HIVEP3: variants seen among roughly 807,000 people sequenced by gnomAD.
HIVEP3 encodes transcription factor HIVEP3.
In HIVEP3, 49 loss-of-function variants were observed where a neutral mutation model predicts 152.8. The observed-to-expected ratio is 0.32, with a 90% confidence interval of 0.26 to 0.41. The LOEUF (loss-of-function observed/expected upper bound fraction) is 0.41, where lower values mean the gene tolerates loss of function less well. Among genes scored for constraint, HIVEP3 ranks in the 10% least tolerant of loss-of-function variants. HIVEP3 has a pLI of 1.00. For missense variants in HIVEP3, 2,790 were observed against 3,103.3 expected (o/e 0.90, Z 2.40); for synonymous variants, 1,269 against 1,289.0 (o/e 0.98, Z 0.33).
intron 2 of HIVEP3, among the ~76,000 whole-genome samples, chr1:41,675,117 T>C (rs1645935295): frequency 6.6e-6 from 1 of 152,272 alleles, no homozygotes; most frequent in Non-Finnish European, 1.5e-5. Flanking sequence ...CTTTAATCCG[T>C]ACCCCTGTGT....
intron 1 of HIVEP3, among the ~76,000 whole-genome samples, chr1:41,816,862 A>G (rs1457775128): frequency 1.3e-5 from 2 of 152,146 alleles, no homozygotes; most frequent in African/African-American, 4.8e-5. Context: ...CTCTGCTAGC[A>G]CTGTCCACCT....
intron 1 of HIVEP3, among the ~76,000 whole-genome samples, chr1:41,765,893 G>A (rs1384564027): frequency 6.6e-6 from 1 of 152,210 alleles, no homozygotes; most frequent in Non-Finnish European, 1.5e-5. Context: ...TTTGCGGGGA[G>A]CACCCCTGTC....
At chr1:41,765,255 TC>T (rs1242506234) in intron 1 of HIVEP3, among the ~76,000 whole-genome samples, 2 of 152,164 alleles carry the variant, frequency 1.3e-5, no homozygotes, top group African/African-American at 4.8e-5. Flanking sequence ...CTTCCTCATC[TC>T]CCCAGCTATT....
At chr1:41,867,729 GC>G (rs1644004625) in intron 1 of HIVEP3, among the ~76,000 whole-genome samples, 1 of 152,170 alleles carries the variant, frequency 6.6e-6, no homozygotes, top group African/African-American at 2.4e-5. Context: ...ACTACGAGGT[GC>G]CATCTGGTAA....
intron 2 of HIVEP3, among the ~76,000 whole-genome samples, chr1:41,659,433 C>G (rs1194177880): frequency 6.6e-6 from 1 of 152,168 alleles, no homozygotes; most frequent in East Asian, 1.9e-4. Flanking sequence ...ATGCAAACTC[C>G]CTGAAAGAAG....
At chr1:41,656,814 C>T (rs1188765997) in intron 2 of HIVEP3, among the ~76,000 whole-genome samples, 1 of 152,222 alleles carries the variant, frequency 6.6e-6, no homozygotes, top group Non-Finnish European at 1.5e-5. Context: ...AAGGGCAGGA[C>T]CAGCATCAGA....
chr1:41,672,942 G>A (rs1645899680), intron 2 of HIVEP3, among the ~76,000 whole-genome samples: 1 of 152,246 alleles, frequency 6.6e-6, no homozygotes, highest in Admixed American at 6.5e-5. Context: ...TGGATTAAAT[G>A]TCCCTGACGT....
chr1:41,564,807 T>G (rs1644135638), intron 5 of HIVEP3, among the ~76,000 whole-genome samples: 1 of 152,158 alleles, frequency 6.6e-6, no homozygotes, highest in Admixed American at 6.5e-5. Context: ...AAGATGAGGA[T>G]GAAAACCAAG....
At chr1:41,638,914 G>A (rs1645328854) in intron 2 of HIVEP3, among the ~76,000 whole-genome samples, 2 of 152,218 alleles carry the variant, frequency 1.3e-5, no homozygotes, top group Admixed American at 6.5e-5. Flanking sequence ...TTTTCCAAGG[G>A]CTGGCAGGGA....
intron 1 of HIVEP3, among the ~76,000 whole-genome samples, chr1:42,004,505 T>G (rs1406637072): frequency 6.6e-6 from 1 of 152,148 alleles, no homozygotes; most frequent in Admixed American, 6.5e-5. Flanking sequence ...GAGTTACTAT[T>G]GCATCATGGG....
At chr1:41,531,900 CA>C (rs1643268531) in intron 5 of HIVEP3, among the ~76,000 whole-genome samples, 1 of 121,488 alleles carries the variant, frequency 8.2e-6, no homozygotes, top group Admixed American at 8.5e-5. Context: ...AGATGGAGGA[CA>C]GGGGAGATGG....
chr1:41,756,201 C>T (rs534448774), intron 1 of HIVEP3, among the ~76,000 whole-genome samples: 2 of 152,180 alleles, frequency 1.3e-5, no homozygotes, highest in East Asian at 1.9e-4. Flanking sequence ...TTTTAAAAGC[C>T]GATCTCAAAA....
intron 2 of HIVEP3, among the ~76,000 whole-genome samples, chr1:41,661,219 T>G (rs1014998503): frequency 3.3e-5 from 5 of 152,342 alleles, no homozygotes; most frequent in South Asian, 4.1e-4. Flanking sequence ...AATTTGGCTC[T>G]ATCAGTTTCC....
chr1:41,900,458 C>A (rs12407004), intron 1 of HIVEP3, among the ~76,000 whole-genome samples: 8,361 of 152,224 alleles, frequency 0.055, 250 homozygotes, highest in South Asian at 0.091. Context: ...ATTTTTGGTG[C>A]AAGGTGAGAG....
chr1:41,583,836 T>C lies in HIVEP3; in HGVS notation c.962A>G (p.His321Arg). 1 of 1,607,622 alleles carries C rather than the reference T, an allele frequency of 6.2e-7. No homozygotes were observed. Among genetic ancestry groups the C allele is most frequent in the African/African-American group, 1.3e-5 (1 of 74,854 alleles). Residue 321 changes from histidine to arginine, a missense_variant, in exon 4 of 9, where the codon CAC becomes CGC. Physicochemically the swap from His to Arg is conservative, Grantham distance 29. Around this residue, in one of 9 missense-constraint regions of HIVEP3, gnomAD observed 125 missense variants for 130.1 expected, o/e 0.96. Transcript: ENST00000372583. The surrounding 1 kb of genome is among the most constrained non-coding windows in gnomAD (Gnocchi z 6.9). ...GGACTGGGACAGGGAACAGCGTTCG[T>C]GGCTGGAACTGTGGCTCCCAGAGCT... ...LYSSGSHSSSHERCSLSQSST... is the reference protein window; with the variant it reads ...LYSSGSHSSSRERCSLSQSST...
chr1:42,027,434 CA>C (rs1042267199), intron 1 of HIVEP3, among the ~76,000 whole-genome samples: 3 of 152,154 alleles, frequency 2.0e-5, no homozygotes, highest in Admixed American at 2.0e-4. Context: ...CACCTGTGCT[CA>C]AAATCTTCTA....
chr1:41,610,102 C>T (rs1644877273), intron 3 of HIVEP3, among the ~76,000 whole-genome samples: 1 of 152,198 alleles, frequency 6.6e-6, no homozygotes, highest in African/African-American at 2.4e-5. Flanking sequence ...GCCCATCCTG[C>T]AGATTTTGGA....
intron 1 of HIVEP3, among the ~76,000 whole-genome samples, chr1:42,013,088 G>C (rs1645502544): frequency 6.6e-6 from 1 of 152,180 alleles, no homozygotes; most frequent in African/African-American, 2.4e-5. Context: ...GACCACATTT[G>C]CTCCTCCCGA....
At chr1:41,647,379 G>A (rs548704838) in intron 2 of HIVEP3, among the ~76,000 whole-genome samples, 2 of 152,318 alleles carry the variant, frequency 1.3e-5, no homozygotes, top group South Asian at 4.1e-4. Context: ...CCTCCTGGCT[G>A]CCTGCTTAGC....
Sources: gnomAD v4.1 joint callset for allele counts (sites outside exome capture counted in the v4.1 genomes callset) on GRCh38, gnomAD v4.1.1 for gene constraint, gnomAD v4.1.1 regional missense constraint, Gnocchi (gnomAD v3.1) non-coding constraint, MANE v1.5 for transcripts, NCBI Gene and HGNC (gene_info 2026-07-23, HGNC 2026-07-21) for gene names.